The following SMR3B variants were observed in gnomAD, a reference collection of about 807,000 sequenced individuals.
SMR3B encodes the protein submaxillary gland androgen-regulated protein 3B.
For synonymous variants in SMR3B, 42 were observed against 36.1 expected (o/e 1.16, Z -0.59); for missense variants, 114 against 99.9 (o/e 1.14, Z -0.60).
In SMR3B at chr4:70,384,355, A is replaced by G; in HGVS notation, c.-14-142A>G. ...TAATATTGCCCCACAGTAATACTGAATTCAAAATAACATTAGGCAAATTCC... is the reference window on the plus strand; with the variant it reads ...TAATATTGCCCCACAGTAATACTGAGTTCAAAATAACATTAGGCAAATTCC... On this transcript the variant is annotated intron_variant, in intron 1 of 2. Transcript: ENST00000304915. The G allele has an allele frequency of 2.1e-6, 3 of 1,404,184 alleles. No individual in the cohort carries two copies. The Admixed American group carries it at 7.7e-5, about 36-fold the overall frequency. The allele number at this position is 1,404,184 out of a possible 1,614,324, so 87.0% of individuals were successfully genotyped here.
chr4:70,389,671 G>A lies in SMR3B; in HGVS notation c.63G>A (p.Glu21=). The change falls in exon 3 of 3, where the codon GAG becomes GAA. Residue 21 remains glutamate, a synonymous_variant. Transcript: ENST00000304915. ...ACTTCTTATTTCCACAGCCTGGTGA[G>A]AGTCAAAGAGGCCCCAGGGGACCAT... ...WALAACFTPG[E]SQRGPRGPYP... is the part of the protein sequence containing the mutation. The A allele has an allele frequency of 6.2e-7, 1 of 1,613,888 alleles. No individual in the cohort carries two copies. The highest frequency in any genetic ancestry group is 1.1e-5 in the South Asian group (1 of 91,062).
At chr4:70,387,268 G>A (rs10004069) in intron 2 of SMR3B, among the ~76,000 whole-genome samples, 39,777 of 152,018 alleles carry the variant, frequency 0.26, 6,133 homozygotes, top group African/African-American at 0.43. Context: ...AGGTGAAAGT[G>A]TAAGAGTAGA....
At chr4:70,389,477 C>A (rs1016673219) in intron 2 of SMR3B, among the ~76,000 whole-genome samples, 186 bp from the exon 3 acceptor site, 1 of 152,172 alleles carries the variant, frequency 6.6e-6, no homozygotes, top group Non-Finnish European at 1.5e-5. Flanking sequence ...TCTCTGATTT[C>A]TTCTGTCTCT....
intron 1 of SMR3B, among the ~76,000 whole-genome samples, chr4:70,383,494 T>A (rs750756911): frequency 2.9e-4 from 44 of 152,158 alleles, no homozygotes; most frequent in Non-Finnish European, 5.7e-4. Flanking sequence ...CTTAAAGTTC[T>A]TGAAACTTCA....
chr4:70,384,373 C>G, intron 1 of SMR3B, 124 bp from the exon 2 acceptor site: 5 of 1,478,036 alleles, frequency 3.4e-6, no homozygotes, highest in Non-Finnish European at 4.5e-6. Flanking sequence ...TAACATTAGG[C>G]AAATTCCCTA....
At position 70,389,881 on chromosome 4, in the gene SMR3B, T is replaced by G; in HGVS notation, c.*33T>G. 6.2e-7 allele frequency: 1 copy of G among 1,611,238 alleles called. No homozygotes were observed. Among genetic ancestry groups the G allele is most frequent in the Non-Finnish European group, 8.5e-7 (1 of 1,177,838 alleles). Reference sequence around the variant, plus strand: ...CACTCCATCCTGATGCCCCAGGTTATCCACAGCCTCCTTCCCGACCAAGAC... The same window carrying G: ...CACTCCATCCTGATGCCCCAGGTTAGCCACAGCCTCCTTCCCGACCAAGAC... On this transcript the variant is annotated 3_prime_UTR_variant, in exon 3 of 3. Coordinates refer to ENST00000304915, the MANE Select transcript of SMR3B (RefSeq NM_006685.4).
intron 2 of SMR3B, among the ~76,000 whole-genome samples, chr4:70,389,148 T>C (rs1277230495): frequency 6.6e-6 from 1 of 152,172 alleles, no homozygotes; most frequent in African/African-American, 2.4e-5. Context: ...AAAAACTCAT[T>C]ATTATCTCAG....
intron 2 of SMR3B, among the ~76,000 whole-genome samples, chr4:70,386,782 T>C (rs768808011): frequency 1.3e-5 from 2 of 152,196 alleles, no homozygotes; most frequent in African/African-American, 2.4e-5. Context: ...TTTTTAATTG[T>C]TTCAACAATA....
In SMR3B at chr4:70,389,597, A is replaced by G. The variant is rs1732723718; in HGVS notation, c.55-66A>G. On this transcript the variant is annotated intron_variant, in intron 2 of 2. Transcript: ENST00000304915. ...TCTCAGAGTTCTGCTTACCACAGAA[A>G]GCATTCACCCTTATATTTAACTGTG... 3.6e-5 allele frequency: 54 copies of G among 1,505,178 alleles called. 1 individual carries two copies. The South Asian group carries it at 6.4e-4, about 18-fold the overall frequency. The allele number at this position is 1,505,178 out of a possible 1,614,324, so 93.2% of individuals were successfully genotyped here.
intron 2 of SMR3B, among the ~76,000 whole-genome samples, chr4:70,389,015 C>G (rs913665114): frequency 1.3e-5 from 2 of 152,060 alleles, no homozygotes; most frequent in African/African-American, 4.8e-5. Flanking sequence ...TGAGAGCCTA[C>G]GTATTCAGAA....
At chr4:70,385,281 C>G (rs1381340883) in intron 2 of SMR3B, among the ~76,000 whole-genome samples, 1 of 151,336 alleles carries the variant, frequency 6.6e-6, no homozygotes, top group African/African-American at 2.4e-5. Flanking sequence ...AAATCTATAT[C>G]AAATTGAAAA....
At chr4:70,388,950 T>C (rs1732711733) in intron 2 of SMR3B, among the ~76,000 whole-genome samples, 1 of 152,188 alleles carries the variant, frequency 6.6e-6, no homozygotes, top group East Asian at 1.9e-4. Flanking sequence ...AGGCAAAGGA[T>C]AAGATTTTTG....
intron 2 of SMR3B, among the ~76,000 whole-genome samples, chr4:70,386,343 C>T (rs1219095486): frequency 6.6e-6 from 1 of 151,382 alleles, no homozygotes; most frequent in Admixed American, 6.6e-5. Context: ...GGAAATCAAC[C>T]TTTCCCCAAC....
intron 1 of SMR3B, among the ~76,000 whole-genome samples, chr4:70,384,182 T>A (rs923199104): frequency 6.6e-6 from 1 of 152,150 alleles, no homozygotes; most frequent in South Asian, 2.1e-4. Context: ...TTAAAGTAGT[T>A]ACTTCTAAGG....
In SMR3B at chr4:70,385,650, A is replaced by AAAGTGCTGGGATTACAGTGATCCGCCC. The variant is rs1560528013; in HGVS notation, c.54+1086_54+1087insAAGTGCTGGGATTACAGTGATCCGCCC. 2.0e-4 allele frequency among the ~76,000 whole-genome samples: 31 copies of AAAGTGCTGGGATTACAGTGATCCGCCC among 151,590 alleles called. No homozygotes were observed. The East Asian group carries it at 4.1e-3, about 20-fold the overall frequency. On this transcript the variant is annotated intron_variant, in intron 2 of 2. Transcript: ENST00000304915. Reference sequence around the variant, plus strand: ...CGATCTCCTGACCTCGTGATCCGCCAGCCTCGGCCTCCCAAAGTGCTGGGA... The same window carrying AAAGTGCTGGGATTACAGTGATCCGCCC: ...CGATCTCCTGACCTCGTGATCCGCCAAAGTGCTGGGATTACAGTGATCCGCCCGCCTCGGCCTCCCAAAGTGCTGGGA...
In SMR3B at chr4:70,386,441, TAC is replaced by T. The variant is rs150264434; in HGVS notation, c.54+1893_54+1894del. 1.0e-3 allele frequency among the ~76,000 whole-genome samples: 151 copies of T among 150,044 alleles called. 1 individual carries two copies. The highest frequency in any genetic ancestry group is 3.0e-3 in the African/African-American group (124 of 40,992). On this transcript the variant is annotated intron_variant, in intron 2 of 2. Coordinates refer to ENST00000304915, the MANE Select transcript of SMR3B (RefSeq NM_006685.4). ...TGTCCTTTACGTGTGTGTGTATATGTACACACACACACACACAAATAAAGCAA... is the reference window on the plus strand; with the variant it reads ...TGTCCTTTACGTGTGTGTGTATATGTACACACACACACACAAATAAAGCAA...
At chr4:70,385,398 GTTTTT>G (rs71210170) in intron 2 of SMR3B, among the ~76,000 whole-genome samples, 3 of 107,050 alleles carry the variant, frequency 2.8e-5, no homozygotes, top group Admixed American at 2.0e-4. Flanking sequence ...CATCTACTTT[GTTTTT>G]TTTTTTTTTT....
intron 2 of SMR3B, among the ~76,000 whole-genome samples, chr4:70,386,353 C>A (rs1190861695): frequency 6.6e-6 from 1 of 151,202 alleles, no homozygotes; most frequent in Non-Finnish European, 1.5e-5. Context: ...CTTTCCCCAA[C>A]TTAATTATAT....
intron 1 of SMR3B, among the ~76,000 whole-genome samples, chr4:70,383,519 T>A (rs1732595410): frequency 6.6e-6 from 1 of 152,052 alleles, no homozygotes; most frequent in South Asian, 2.1e-4. Flanking sequence ...GATAGAATAG[T>A]CTCAGGTGTA....
Sources: gnomAD v4.1 joint callset for allele counts (sites outside exome capture counted in the v4.1 genomes callset) on GRCh38, gnomAD v4.1.1 for gene constraint, MANE v1.5 for transcripts, NCBI Gene and HGNC (gene_info 2026-07-23, HGNC 2026-07-21) for gene names.